Variants in TMEM200A observed in about 807,000 individuals in gnomAD.
The protein encoded by TMEM200A is two transmembrane C.
TMEM200A carries 12 observed loss-of-function variants against 24.3 expected under a neutral mutation model. The ratio of observed to expected loss-of-function variants is 0.49; its 90% confidence interval spans 0.32 to 0.80. The LOEUF (loss-of-function observed/expected upper bound fraction) is 0.80. Ranked by LOEUF, TMEM200A falls within the 30% of genes least tolerant of loss-of-function variation. The pLI, the probability that TMEM200A is intolerant of heterozygous loss-of-function variation, is 0.04. For synonymous variants in TMEM200A, 224 were observed against 224.4 expected (o/e 1.00, Z 0.02); for missense variants, 545 against 614.4 (o/e 0.89, Z 1.19).
chr6:130,404,009 CT>C (rs1779149337), intron 2 of TMEM200A, among the ~76,000 whole-genome samples: 1 of 152,128 alleles, frequency 6.6e-6, no homozygotes, highest in South Asian at 2.1e-4. Flanking sequence ...TGATCCTATT[CT>C]TTCTTATGAC....
At chr6:130,400,915 G>A (rs547061079) in intron 2 of TMEM200A, among the ~76,000 whole-genome samples, 1 of 152,086 alleles carries the variant, frequency 6.6e-6, no homozygotes, top group Non-Finnish European at 1.5e-5. Context: ...TACAGAAGCA[G>A]ACAAACAAAT....
chr6:130,391,680 A>C (rs896376496), intron 2 of TMEM200A, among the ~76,000 whole-genome samples: 1 of 151,282 alleles, frequency 6.6e-6, no homozygotes. Context: ...CCCAGTATGC[A>C]TAAAACTAAA....
chr6:130,400,084 G>T (rs1336961666), intron 2 of TMEM200A, among the ~76,000 whole-genome samples: 1 of 151,092 alleles, frequency 6.6e-6, no homozygotes, highest in Non-Finnish European at 1.5e-5. Flanking sequence ...ATATGTATAT[G>T]TACAGATATA....
At position 130,441,288 on chromosome 6, in the gene TMEM200A, C is replaced by T. The variant is rs918448441; in HGVS notation, c.866C>T (p.Thr289Ile). The change falls in exon 3 of 3, where the codon ACA (threonine) becomes ATA (isoleucine). Residue 289 changes from threonine (T) to isoleucine (I), a missense_variant. Physicochemically the swap from Thr to Ile is moderately conservative, Grantham distance 89. Transcript: ENST00000296978. ...SIVSSSISAF[T>I]LPVIKLNNCV... ...GTGTCATCGTCCATCAGTGCTTTTA[C>T]ATTGCCTGTGATCAAACTTAATAAC... is the stretch of plus-strand genomic sequence containing the variant. The T allele has an allele frequency of 1.9e-6, 3 of 1,614,132 alleles. No homozygotes were observed. Among genetic ancestry groups the T allele is most frequent in the South Asian group, 1.1e-5 (1 of 91,070 alleles).
At chr6:130,400,000 G>A (rs117612093) in intron 2 of TMEM200A, among the ~76,000 whole-genome samples, 4,113 of 151,832 alleles carry the variant, frequency 0.027, 66 homozygotes, top group African/African-American at 0.041. Flanking sequence ...CCAGGTCATC[G>A]CAAATGCTGT....
chr6:130,439,659 T>C (rs1228766711), intron 2 of TMEM200A, among the ~76,000 whole-genome samples: 2 of 152,256 alleles, frequency 1.3e-5, no homozygotes, highest in African/African-American at 4.8e-5. Context: ...GAAGAGAAGA[T>C]GACCAAGAAC....
intron 1 of TMEM200A, among the ~76,000 whole-genome samples, chr6:130,367,751 A>G (rs1562545772): frequency 6.6e-6 from 1 of 152,250 alleles, no homozygotes; most frequent in South Asian, 2.1e-4. Context: ...AGTGGAAACT[A>G]TAGTTAAATG....
Position 130,366,201 on chromosome 6 carries a change from C to T in TMEM200A, c.-404C>T, listed in dbSNP as rs1486995727. On this transcript the variant is annotated 5_prime_UTR_variant, in exon 1 of 3. Transcript: ENST00000296978. The surrounding 1 kb of genome is among the most constrained non-coding windows in gnomAD (Gnocchi z 4.4). ...GGATGGCGGCGGCCCTCTGTGAGCA[C>T]CGGCAGCGGCGCATCCCCTGCCCCG... 4 of 985,114 alleles carry T rather than the reference C, an allele frequency of 4.1e-6. No homozygotes were observed. The highest frequency in any genetic ancestry group is 4.8e-6 in the Non-Finnish European group (4 of 829,798). The allele number at this position is 985,114 out of a possible 1,614,324, so 61.0% of individuals were successfully genotyped here.
At position 130,366,708 on chromosome 6, in the gene TMEM200A, C is replaced by G. The variant is rs903212149; in HGVS notation, c.-81+184C>G. On this transcript the variant is annotated intron_variant, in intron 1 of 2. Transcript: ENST00000296978. This position sits in a 1 kb window ranked among gnomAD's most constrained non-coding sequence, Gnocchi z 4.4. ...CCAAGTCCGCCATCAGGTCCAGACT[C>G]CCCAGTCCCGGGAGCGCGAGAGAAG... is the stretch of plus-strand genomic sequence containing the variant. Among the ~76,000 whole-genome samples the G allele has an allele frequency of 6.6e-6, 1 of 152,198 alleles. No individual in the cohort carries two copies. The highest frequency in any genetic ancestry group is 1.5e-5 in the Non-Finnish European group (1 of 68,036).
rs1780207833 is a variant in TMEM200A, at chr6:130,442,053, GT to G, written c.*158del. On this transcript the variant is annotated 3_prime_UTR_variant, in exon 3 of 3. Transcript: ENST00000296978. ...AGTTCTGTAATGAAGATGGTTGTAT[GT>G]TTGGGTTACTTGTGACTGCAGTACT... is the stretch of plus-strand genomic sequence containing the variant. 4.2e-6 allele frequency: 3 copies of G among 713,644 alleles called. No homozygotes were observed. Among genetic ancestry groups the G allele is most frequent in the Non-Finnish European group, 6.7e-6 (3 of 444,456 alleles). The allele number at this position is 713,644 out of a possible 1,614,324, so 44.2% of individuals were successfully genotyped here.
At chr6:130,369,310 C>G (rs1019494281) in intron 1 of TMEM200A, among the ~76,000 whole-genome samples, 1 of 152,130 alleles carries the variant, frequency 6.6e-6, no homozygotes, top group Admixed American at 6.5e-5. Flanking sequence ...ACATCTGCAC[C>G]AGTATGCGCC....
At chr6:130,403,560 A>AT (rs1562560292) in intron 2 of TMEM200A, among the ~76,000 whole-genome samples, 1 of 132,672 alleles carries the variant, frequency 7.5e-6, no homozygotes, top group Non-Finnish European at 1.5e-5. Context: ...GATAACATGT[A>AT]TTTTTACAGT....
chr6:130,402,391 A>T lies in TMEM200A; in HGVS notation c.-17+17155A>T, dbSNP rs979029538. Among the ~76,000 whole-genome samples, 7 of 152,056 alleles carry T rather than the reference A, an allele frequency of 4.6e-5. No homozygotes were observed. The East Asian group carries it at 7.7e-4, about 17-fold the overall frequency. On this transcript the variant is annotated intron_variant, in intron 2 of 2. Transcript: ENST00000296978. The stretch of plus-strand genomic sequence containing the variant: ...GGTTGACACTCAGTAGATCTAAATT[A>T]AAAACCACAATCAGTTTATCTATTT...
intron 2 of TMEM200A, among the ~76,000 whole-genome samples, chr6:130,398,602 T>C (rs1779007724): frequency 6.6e-6 from 1 of 152,088 alleles, no homozygotes; most frequent in Non-Finnish European, 1.5e-5. Flanking sequence ...CTACCACCAG[T>C]AGTGTATAAC....
Position 130,377,422 on chromosome 6 carries a change from C to T in TMEM200A, c.-80-7751C>T, listed in dbSNP as rs1038222701. On this transcript the variant is annotated intron_variant, in intron 1 of 2. Coordinates refer to ENST00000296978, the MANE Select transcript of TMEM200A (RefSeq NM_001258277.2). Reference sequence around the variant, plus strand: ...ATCCTAGGGATTCCCTGTTCTCCTGCCCCAACTGCCAGAATCTCATCTGTT... The same window carrying T: ...ATCCTAGGGATTCCCTGTTCTCCTGTCCCAACTGCCAGAATCTCATCTGTT... 3.3e-5 allele frequency among the ~76,000 whole-genome samples: 5 copies of T among 152,190 alleles called. No homozygotes were observed. The East Asian group carries it at 9.6e-4, about 29-fold the overall frequency.
chr6:130,410,528 A>C lies in TMEM200A; in HGVS notation c.-17+25292A>C, dbSNP rs1221485030. Among the ~76,000 whole-genome samples the C allele has an allele frequency of 2.6e-5, 4 of 152,200 alleles. No individual in the cohort carries two copies. The East Asian group carries it at 7.7e-4, about 29-fold the overall frequency. ...ACCTCATATTTCTCTGAAATTGTCC[A>C]GTAGTGCTACAAGTCTTTTTGGTGA... is the stretch of plus-strand genomic sequence containing the variant. On this transcript the variant is annotated intron_variant, in intron 2 of 2. Transcript: ENST00000296978.
intron 2 of TMEM200A, among the ~76,000 whole-genome samples, chr6:130,433,236 A>C (rs1412833746): frequency 6.6e-6 from 1 of 150,860 alleles, no homozygotes; most frequent in Non-Finnish European, 1.5e-5. Context: ...TCTCAGGTTC[A>C]AGCGATTCTC....
At chr6:130,415,899 C>A (rs1208300055) in intron 2 of TMEM200A, among the ~76,000 whole-genome samples, 7 of 152,092 alleles carry the variant, frequency 4.6e-5, no homozygotes, top group Non-Finnish European at 7.4e-5. Context: ...AACAATGATA[C>A]TTTGAATTCT....
intron 1 of TMEM200A, among the ~76,000 whole-genome samples, chr6:130,376,492 A>G (rs1276268141): frequency 6.6e-6 from 1 of 152,178 alleles, no homozygotes; most frequent in African/African-American, 2.4e-5. Flanking sequence ...CATGTTGGCC[A>G]GGCTGGGCTT....
Sources: allele counts gnomAD v4.1 joint callset (sites outside exome capture counted in the v4.1 genomes callset), GRCh38; gene constraint gnomAD v4.1.1; non-coding constraint Gnocchi (gnomAD v3.1); transcripts MANE v1.5; gene names NCBI Gene and HGNC (gene_info 2026-07-23, HGNC 2026-07-21).